CGNL1: variants seen among roughly 807,000 people sequenced by gnomAD.
The protein encoded by CGNL1 is cingulin-like protein 1.
CGNL1 carries 132 observed loss-of-function variants against 141.2 expected under a neutral mutation model. The ratio of observed to expected loss-of-function variants is 0.93; its 90% confidence interval spans 0.81 to 1.08. CGNL1 has a LOEUF of 1.08. CGNL1 is among the 50% of genes least tolerant of loss of function. CGNL1 has a pLI of 0.00. For synonymous variants in CGNL1, 690 were observed against 622.1 expected (o/e 1.11, Z -1.63); for missense variants, 1,870 against 1,588.6 (o/e 1.18, Z -3.01).
At chr15:57,416,215 T>A (rs1351212538) in intron 1 of CGNL1, among the ~76,000 whole-genome samples, 2 of 148,950 alleles carry the variant, frequency 1.3e-5, no homozygotes, top group African/African-American at 4.9e-5. Context: ...TTTTTTTTTT[T>A]AAATTGTAAG....
chr15:57,538,006 C>T (rs1367469942), intron 14 of CGNL1, among the ~76,000 whole-genome samples: 4 of 142,902 alleles, frequency 2.8e-5, no homozygotes, highest in African/African-American at 7.5e-5. Flanking sequence ...TTTCCCTCCT[C>T]CCCGCCACCC....
intron 8 of CGNL1, among the ~76,000 whole-genome samples, chr15:57,481,163 TAAAAA>T (rs554664674): frequency 6.7e-6 from 1 of 148,948 alleles, no homozygotes; most frequent in Non-Finnish European, 1.5e-5. Context: ...TATGCAATTG[TAAAAA>T]AAAATACAGC....
intron 8 of CGNL1, among the ~76,000 whole-genome samples, chr15:57,500,472 T>C (rs1419836693): frequency 2.0e-5 from 3 of 152,208 alleles, no homozygotes; most frequent in Admixed American, 6.5e-5. Flanking sequence ...CAGGCCCCAG[T>C]TTGCTCATCT....
At chr15:57,450,763 T>C (rs1274593214) in intron 4 of CGNL1, among the ~76,000 whole-genome samples, 2 of 152,224 alleles carry the variant, frequency 1.3e-5, no homozygotes, top group Admixed American at 1.3e-4. Context: ...AATTGTTTTA[T>C]ATATTTTTGT....
intron 1 of CGNL1, among the ~76,000 whole-genome samples, chr15:57,379,183 G>C (rs1161176785): frequency 6.6e-6 from 1 of 152,098 alleles, no homozygotes; most frequent in Non-Finnish European, 1.5e-5. Context: ...TGAATTCATG[G>C]TGTCTGAAAA....
Position 57,543,806 on chromosome 15 carries a change from C to T in CGNL1, c.3375+27C>T, listed in dbSNP as rs116199579. ...TGAGGGCAGCCAGCCTGTGAGCTGCCCCCCCGTCCATCCGCTAACCCTCCC... is the reference window on the plus strand; with the variant it reads ...TGAGGGCAGCCAGCCTGTGAGCTGCTCCCCCGTCCATCCGCTAACCCTCCC... On this transcript the variant is annotated intron_variant, in intron 15 of 18. Coordinates refer to ENST00000281282, the MANE Select transcript of CGNL1 (RefSeq NM_032866.5). 893 of 1,570,970 alleles carry T rather than the reference C, an allele frequency of 5.7e-4. 1 individual carries two copies. Among genetic ancestry groups the T allele is most frequent in the African/African-American group, 4.6e-3 (336 of 73,384 alleles).
chr15:57,387,045 C>A (rs914852665), intron 1 of CGNL1, among the ~76,000 whole-genome samples: 2 of 152,110 alleles, frequency 1.3e-5, no homozygotes, highest in Non-Finnish European at 2.9e-5. Context: ...TTTTCATCCC[C>A]CTGAAAGGAA....
At chr15:57,515,513 G>A (rs577555724) in intron 8 of CGNL1, among the ~76,000 whole-genome samples, 8 of 152,202 alleles carry the variant, frequency 5.3e-5, no homozygotes, top group African/African-American at 1.4e-4. Context: ...TTCTTTTATC[G>A]CAGGCGTCTG....
chr15:57,381,279 A>G (rs1447894199), intron 1 of CGNL1, among the ~76,000 whole-genome samples: 1 of 152,068 alleles, frequency 6.6e-6, no homozygotes, highest in African/African-American at 2.4e-5. Context: ...ATAGTAGTTG[A>G]CAGTGGCAAA....
chr15:57,475,492 G>GGTGTGTGTGTGTGTGT (rs72168222), intron 8 of CGNL1, among the ~76,000 whole-genome samples: 2 of 147,920 alleles, frequency 1.4e-5, no homozygotes, highest in Admixed American at 6.7e-5. Flanking sequence ...ATACAAGTGT[G>GGTGTGTGTGTGTGTGT]GTGTGTGTGT....
chr15:57,390,759 C>T (rs1020648484), intron 1 of CGNL1, among the ~76,000 whole-genome samples: 3 of 152,118 alleles, frequency 2.0e-5, no homozygotes, highest in Admixed American at 6.5e-5. Flanking sequence ...TGATCATATC[C>T]TTTCACTGCG....
intron 1 of CGNL1, among the ~76,000 whole-genome samples, chr15:57,397,943 A>C (rs28636873): frequency 0.43 from 65,801 of 151,780 alleles, 14,527 homozygotes; most frequent in East Asian, 0.67. Context: ...CCACCACACC[A>C]TGCTAATTTT....
intron 1 of CGNL1, among the ~76,000 whole-genome samples, chr15:57,377,553 C>A (rs760857403): frequency 1.9e-4 from 29 of 152,216 alleles, no homozygotes; most frequent in Non-Finnish European, 5.9e-5. Flanking sequence ...TAGAACTCAT[C>A]TCAGGTCCTC....
intron 3 of CGNL1, among the ~76,000 whole-genome samples, chr15:57,440,894 A>G (rs1595708201): frequency 6.6e-6 from 1 of 151,874 alleles, no homozygotes; most frequent in African/African-American, 2.4e-5. Flanking sequence ...CCCTGCTTCC[A>G]TTATTTTTAA....
At position 57,461,724 on chromosome 15, in the gene CGNL1, C is replaced by CA; in HGVS notation, c.2238dup (p.Glu747ArgfsTer13). The CA allele has an allele frequency of 6.2e-7, 1 of 1,614,042 alleles. No individual in the cohort carries two copies. The highest frequency in any genetic ancestry group is 1.1e-5 in the South Asian group (1 of 91,068). On this transcript the variant is annotated frameshift_variant, in exon 8 of 19. Coordinates refer to ENST00000281282, the MANE Select transcript of CGNL1 (RefSeq NM_032866.5). LOFTEE classifies it high-confidence loss of function. ...AGGATCTTCAAGATCTGCTGATTGC[C>CA]AAAGAGGAGCAAGAAGACCTCTTGA...
intron 1 of CGNL1, among the ~76,000 whole-genome samples, chr15:57,377,522 G>A (rs1321653344): frequency 3.9e-5 from 6 of 152,212 alleles, no homozygotes; most frequent in Non-Finnish European, 8.8e-5. Context: ...CTCTTCGGAC[G>A]GCTCAAGATC....
chr15:57,478,721 C>CTCGACCTCCCAGGCTCAAG (rs2063687961), intron 8 of CGNL1, among the ~76,000 whole-genome samples: 1 of 152,204 alleles, frequency 6.6e-6, no homozygotes, highest in Non-Finnish European at 1.5e-5. Flanking sequence ...TCGCTGCTGC[C>CTCGACCTCCCAGGCTCAAG]TCGACCTCCC....
intron 1 of CGNL1, among the ~76,000 whole-genome samples, chr15:57,414,807 T>C (rs1286021901): frequency 6.6e-6 from 1 of 152,224 alleles, no homozygotes; most frequent in Non-Finnish European, 1.5e-5. Flanking sequence ...TTAAACCTCA[T>C]TTTTGTTAGA....
chr15:57,511,480 T>C (rs2030300438), intron 8 of CGNL1, among the ~76,000 whole-genome samples: 1 of 152,212 alleles, frequency 6.6e-6, no homozygotes, highest in Non-Finnish European at 1.5e-5. Flanking sequence ...TGGGATAAAA[T>C]GATAGACGAT....
Sources: allele counts gnomAD v4.1 joint callset (sites outside exome capture counted in the v4.1 genomes callset), GRCh38; gene constraint gnomAD v4.1.1; transcripts MANE v1.5; gene names NCBI Gene and HGNC (gene_info 2026-07-23, HGNC 2026-07-21).